ANO10: variants seen among roughly 807,000 people sequenced by gnomAD.
The protein encoded by ANO10 is anoctamin 10, also known as anoctamin-10.
ANO10 carries 77 observed loss-of-function variants against 74.7 expected under a neutral mutation model. The observed-to-expected ratio is 1.03, with a 90% confidence interval of 0.86 to 1.25. ANO10 has a LOEUF of 1.25. ANO10 is among the 50% of genes most tolerant of loss of function. ANO10 has a pLI of 0.00. For synonymous variants in ANO10, 279 were observed against 284.9 expected, an observed-to-expected ratio of 0.98 and a Z score of 0.21; for missense variants, 721 against 778.1, an observed-to-expected ratio of 0.93 and a Z score of 0.87.
chr3:43,432,448 G>A (rs1341834145), intron 12 of ANO10, among the ~76,000 whole-genome samples, 163 bp downstream of exon 12: 1 of 151,950 alleles, frequency 6.6e-6, no homozygotes, highest in Non-Finnish European at 1.5e-5. Context: ...TGCTCATATT[G>A]TTAGGATTTT....
intron 11 of ANO10, among the ~76,000 whole-genome samples, chr3:43,503,754 G>A (rs146704026): frequency 0.028 from 4,255 of 152,254 alleles, 123 homozygotes; most frequent in Non-Finnish European, 0.038. Flanking sequence ...TGCTCTGACC[G>A]TTAAGATTTG....
intron 1 of ANO10, among the ~76,000 whole-genome samples, chr3:43,613,657 C>T (rs1422436839): frequency 2.0e-5 from 3 of 152,106 alleles, no homozygotes; most frequent in Non-Finnish European, 4.4e-5. Context: ...ACTCTCCTGA[C>T]TGAAATTTTT....
At chr3:43,549,375 C>G (rs1053889827) in intron 11 of ANO10, among the ~76,000 whole-genome samples, 3 of 152,206 alleles carry the variant, frequency 2.0e-5, no homozygotes, top group South Asian at 4.1e-4. Context: ...GAACTCCTGG[C>G]CTTATGTCAT....
intron 12 of ANO10, among the ~76,000 whole-genome samples, chr3:43,402,043 T>C (rs2092490792): frequency 6.6e-6 from 1 of 152,240 alleles, no homozygotes. Flanking sequence ...ACATCCCCAG[T>C]GGGCTCTTCC....
intron 11 of ANO10, among the ~76,000 whole-genome samples, chr3:43,533,627 A>C (rs929556329): frequency 1.3e-5 from 2 of 152,234 alleles, no homozygotes; most frequent in African/African-American, 4.8e-5. Context: ...AAAAAGCAGG[A>C]CAAAAATATT....
intron 11 of ANO10, among the ~76,000 whole-genome samples, chr3:43,549,039 T>G (rs1450637160): frequency 6.6e-6 from 1 of 152,324 alleles, no homozygotes; most frequent in Non-Finnish European, 1.5e-5. Flanking sequence ...CTTAAGAAAG[T>G]AGAACTGTCT....
intron 1 of ANO10, among the ~76,000 whole-genome samples, chr3:43,671,080 T>C (rs2084053718): frequency 6.6e-6 from 1 of 152,206 alleles, no homozygotes; most frequent in African/African-American, 2.4e-5. Flanking sequence ...ATTTCCCATT[T>C]ATATGATGGA....
At chr3:43,507,124 T>C (rs147940024) in intron 11 of ANO10, among the ~76,000 whole-genome samples, 9 of 152,296 alleles carry the variant, frequency 5.9e-5, no homozygotes, top group Admixed American at 5.9e-4. Context: ...TGCTTTTTGT[T>C]AGCAGGTTTG....
intron 12 of ANO10, among the ~76,000 whole-genome samples, chr3:43,397,479 CTCTTGGG>C (rs1559507244): frequency 6.6e-6 from 1 of 152,036 alleles, no homozygotes; most frequent in Non-Finnish European, 1.5e-5. Flanking sequence ...CAGTTCAATC[CTCTTGGG>C]TCTTGTTTTT....
At chr3:43,528,181 T>C (rs1035816010) in intron 11 of ANO10, among the ~76,000 whole-genome samples, 1 of 145,508 alleles carries the variant, frequency 6.9e-6, no homozygotes, top group Non-Finnish European at 1.5e-5. Flanking sequence ...ATTGCTAGTC[T>C]AGGAAAATTT....
chr3:43,672,177 G>A (rs2084067552), intron 1 of ANO10, among the ~76,000 whole-genome samples: 1 of 152,116 alleles, frequency 6.6e-6, no homozygotes, highest in African/African-American at 2.4e-5. Flanking sequence ...TTATGCATGT[G>A]TGTTCATTAT....
chr3:43,464,921 C>T (rs1418344083), intron 11 of ANO10, among the ~76,000 whole-genome samples: 2 of 152,142 alleles, frequency 1.3e-5, no homozygotes, highest in Non-Finnish European at 2.9e-5. Context: ...AACTTAATTG[C>T]TTTTTCCTTA....
At chr3:43,373,796 C>T (rs1286086112) in intron 12 of ANO10, among the ~76,000 whole-genome samples, 2 of 152,168 alleles carry the variant, frequency 1.3e-5, no homozygotes, top group Non-Finnish European at 2.9e-5. Context: ...CACATACCAA[C>T]CAACGCTACA....
intron 11 of ANO10, among the ~76,000 whole-genome samples, chr3:43,510,286 C>T (rs923492235): frequency 2.6e-5 from 4 of 151,980 alleles, no homozygotes; most frequent in Non-Finnish European, 5.9e-5. Context: ...AAAAAGTTAG[C>T]CAGGCGTGGT....
intron 11 of ANO10, among the ~76,000 whole-genome samples, chr3:43,542,040 G>A (rs1205619627): frequency 2.6e-5 from 4 of 152,142 alleles, no homozygotes; most frequent in African/African-American, 9.7e-5. Context: ...TAGAGAGCAT[G>A]GGCCAAAGGA....
At chr3:43,565,846 T>A in intron 7 of ANO10, 119 bp from the exon 8 acceptor site, 1 of 1,022,646 alleles carries the variant, frequency 9.8e-7, no homozygotes, top group Non-Finnish European at 1.5e-6. Context: ...GAGGGCCGAA[T>A]AGGAACAGCT....
intron 11 of ANO10, among the ~76,000 whole-genome samples, chr3:43,474,533 G>T (rs771424928): frequency 6.6e-6 from 1 of 151,950 alleles, no homozygotes; most frequent in Admixed American, 6.6e-5. Flanking sequence ...ATTAACTTTG[G>T]TTGTCCATAA....
chr3:43,485,164 A>T, intron 11 of ANO10: 1 of 739,906 alleles, frequency 1.4e-6, no homozygotes, highest in Non-Finnish European at 2.4e-6. Context: ...CTGGCGCGGT[A>T]GCACTGGGTG....
chr3:43,552,495 GTC>G (rs2079512072), intron 10 of ANO10, among the ~76,000 whole-genome samples: 4 of 151,858 alleles, frequency 2.6e-5, no homozygotes, highest in Admixed American at 2.6e-4. Flanking sequence ...GAGAAGAAAA[GTC>G]TATTTTGTTT....
Sources: gnomAD v4.1 joint callset for allele counts (sites outside exome capture counted in the v4.1 genomes callset) on GRCh38, gnomAD v4.1.1 for gene constraint, MANE v1.5 for transcripts, NCBI Gene and HGNC (gene_info 2026-07-23, HGNC 2026-07-21) for gene names.